Variants in DHX9 observed in about 807,000 individuals in gnomAD.
The protein encoded by DHX9 is ATP-dependent RNA helicase A.
In DHX9, 27 loss-of-function variants were observed where a neutral mutation model predicts 148.7. The ratio of observed to expected loss-of-function variants is 0.18; its 90% CI spans 0.13 to 0.25. The LOEUF (loss-of-function observed/expected upper bound fraction) is 0.25. Ranked by LOEUF, DHX9 falls within the 10% of genes least tolerant of loss-of-function variation. The pLI is 1.00. For missense variants in DHX9, 796 were observed against 1,559.6 expected (o/e 0.51, Z 8.25); for synonymous variants, 529 against 516.6 (o/e 1.02, Z -0.33).
intron 24 of DHX9, among the ~76,000 whole-genome samples, 194 bp downstream of exon 24, chr1:182,881,841 G>T (rs1557979906): frequency 1.3e-5 from 2 of 152,150 alleles, no homozygotes; most frequent in Non-Finnish European, 2.9e-5. Flanking sequence ...ATAGTGGTTT[G>T]CAAAGTAATT....
At chr1:182,877,126 A>T in intron 19 of DHX9, 1 of 448,060 alleles carries the variant, frequency 2.2e-6, no homozygotes, top group East Asian at 3.9e-5. Flanking sequence ...TGAAACTGTA[A>T]CTGATGATTA....
chr1:182,854,710 C>T (rs1013934977), intron 6 of DHX9, among the ~76,000 whole-genome samples: 2 of 152,132 alleles, frequency 1.3e-5, no homozygotes, highest in Non-Finnish European at 2.9e-5. Flanking sequence ...AAGGAACAGC[C>T]TTGGTCTTTG....
intron 14 of DHX9, among the ~76,000 whole-genome samples, chr1:182,871,351 T>A (rs1367114202): frequency 6.6e-6 from 1 of 152,226 alleles, no homozygotes; most frequent in Non-Finnish European, 1.5e-5. Context: ...TATATCTGTT[T>A]ATTTAATAAA....
At chr1:182,871,572 A>T (rs1648554866) in intron 14 of DHX9, among the ~76,000 whole-genome samples, 1 of 152,228 alleles carries the variant, frequency 6.6e-6, no homozygotes, top group African/African-American at 2.4e-5. Context: ...TTTAGACTTG[A>T]ACAAGAATGC....
intron 22 of DHX9, 68 bp from the exon 23 acceptor site, chr1:182,881,196 G>T: frequency 6.6e-7 from 1 of 1,525,422 alleles, no homozygotes; most frequent in Non-Finnish European, 8.9e-7. Flanking sequence ...ACAGTCGACA[G>T]TCCTACCTGA....
intron 6 of DHX9, chr1:182,855,821 G>A (rs1460929779): frequency 4.9e-6 from 4 of 823,530 alleles, no homozygotes; most frequent in Non-Finnish European, 5.9e-6. Context: ...TATCTGAGCA[G>A]TGAAAGGACC....
chr1:182,847,100 A>G (rs906884118), intron 3 of DHX9, among the ~76,000 whole-genome samples: 4 of 151,990 alleles, frequency 2.6e-5, no homozygotes, highest in Admixed American at 1.3e-4. Context: ...TTCATTCGTT[A>G]TAAGTGTATG....
chr1:182,864,627 C>A (rs1409211817), intron 12 of DHX9, among the ~76,000 whole-genome samples: 1 of 152,106 alleles, frequency 6.6e-6, no homozygotes, highest in Admixed American at 6.5e-5. Flanking sequence ...ATTGAGGAAA[C>A]TGGAAGTTGG....
Position 182,843,277 on chromosome 1 carries a change from T to C in DHX9, c.112-17T>C. On this transcript the variant is annotated splice_polypyrimidine_tract_variant and intron_variant, in intron 2 of 27. Coordinates refer to ENST00000367549, the MANE Select transcript of DHX9 (RefSeq NM_001357.5). ...TTACCCAGGTCAGTCTCTTAGTACT[T>C]TTTTTTTTTTTTAAAGGTTCAGGTG... 1 of 1,242,986 alleles carries C rather than the reference T, an allele frequency of 8.0e-7. No individual in the cohort carries two copies. The highest frequency in any genetic ancestry group is 1.1e-6 in the Non-Finnish European group (1 of 926,560). 77.0% of individuals were successfully genotyped at this position (1,242,986 alleles called of 1,614,324 possible).
chr1:182,843,844 C>T (rs989279365), intron 3 of DHX9, among the ~76,000 whole-genome samples: 2 of 152,214 alleles, frequency 1.3e-5, no homozygotes, highest in Non-Finnish European at 2.9e-5. Context: ...GTTACCCAAG[C>T]TAGAATGCAG....
chr1:182,884,276 AAAAG>A (rs1461859451), intron 26 of DHX9, among the ~76,000 whole-genome samples: 5 of 152,136 alleles, frequency 3.3e-5, no homozygotes, highest in Non-Finnish European at 5.9e-5. Flanking sequence ...GTCTCAAAAA[AAAAG>A]AAAGTCTGAA....
chr1:182,847,348 A>G (rs760893257), intron 3 of DHX9, among the ~76,000 whole-genome samples: 1 of 152,214 alleles, frequency 6.6e-6, no homozygotes, highest in Non-Finnish European at 1.5e-5. Flanking sequence ...TACTCCTCCA[A>G]AGAGCATTGA....
At chr1:182,866,680 G>A in intron 13 of DHX9, 95 bp downstream of exon 13, 2 of 1,398,630 alleles carry the variant, frequency 1.4e-6, no homozygotes, top group Middle Eastern at 1.8e-4. Flanking sequence ...GAAATAATGA[G>A]CCAGTCTCAG....
intron 1 of DHX9, among the ~76,000 whole-genome samples, 161 bp from the exon 2 acceptor site, chr1:182,842,384 C>T (rs1373701374): frequency 6.6e-6 from 1 of 152,134 alleles, no homozygotes; most frequent in Non-Finnish European, 1.5e-5. Context: ...TTTCTTACAA[C>T]ATATAAACGT....
intron 12 of DHX9, among the ~76,000 whole-genome samples, chr1:182,861,719 G>A (rs762064149): frequency 1.4e-4 from 21 of 152,230 alleles, no homozygotes; most frequent in Non-Finnish European, 2.8e-4. Context: ...GCATGGAAAT[G>A]TATTAGCAAA....
chr1:182,850,518 C>G (rs994908991), intron 3 of DHX9, among the ~76,000 whole-genome samples: 1 of 151,426 alleles, frequency 6.6e-6, no homozygotes, highest in Non-Finnish European at 1.5e-5. Context: ...TCACTTGAGC[C>G]CAACAGGTTG....
intron 15 of DHX9, among the ~76,000 whole-genome samples, chr1:182,874,633 A>G (rs1174250332): frequency 6.6e-6 from 1 of 152,214 alleles, no homozygotes; most frequent in Non-Finnish European, 1.5e-5. Flanking sequence ...CTCTGGGAAC[A>G]TGTATAAAAG....
intron 8 of DHX9, 90 bp from the exon 9 acceptor site, chr1:182,858,461 A>G: frequency 8.2e-7 from 1 of 1,212,470 alleles, no homozygotes; most frequent in Admixed American, 2.2e-5. Context: ...TTGGTTTAGG[A>G]ATATTGTAGA....
intron 14 of DHX9, 41 bp downstream of exon 14, chr1:182,867,084 T>A: frequency 2.4e-6 from 3 of 1,258,076 alleles, no homozygotes; most frequent in Non-Finnish European, 3.3e-6. Flanking sequence ...TTAATTCTGC[T>A]ATTTCTAAGA....
Sources: gnomAD v4.1 joint callset for allele counts (sites outside exome capture counted in the v4.1 genomes callset) on GRCh38, gnomAD v4.1.1 for gene constraint, MANE v1.5 for transcripts, NCBI Gene and HGNC (gene_info 2026-07-23, HGNC 2026-07-21) for gene names.